The following PKIA variants were observed in gnomAD, a reference collection of about 807,000 sequenced individuals.
The protein encoded by PKIA is PKI-alpha.
A neutral mutation model predicts 7.6 loss-of-function variants in PKIA; 4 were observed. The observed-to-expected ratio is 0.52, with a 90% CI of 0.26 to 1.20. The LOEUF (loss-of-function observed/expected upper bound fraction) is 1.20, where lower values mean the gene tolerates loss of function less well. Among genes scored for constraint, PKIA ranks in the 50% most tolerant of loss-of-function variants. The pLI, the probability that PKIA is intolerant of heterozygous loss-of-function variation, is 0.13. For missense variants in PKIA, 73 were observed against 86.2 expected, an observed-to-expected ratio of 0.85 and a Z score of 0.61; for synonymous variants, 21 against 30.7, an observed-to-expected ratio of 0.68 and a Z score of 1.04.
intron 1 of PKIA, among the ~76,000 whole-genome samples, chr8:78,554,552 A>T (rs1390571762): frequency 6.6e-6 from 1 of 151,990 alleles, no homozygotes; most frequent in East Asian, 1.9e-4. Context: ...TTCCCTGCAA[A>T]TTGTATTTTA....
At chr8:78,573,618 A>C (rs1255956631) in intron 2 of PKIA, among the ~76,000 whole-genome samples, 2 of 152,174 alleles carry the variant, frequency 1.3e-5, no homozygotes, top group Non-Finnish European at 2.9e-5. Context: ...TAAGTGGCTC[A>C]TCTTCTCATT....
At chr8:78,566,713 G>C (rs1361773698) in intron 1 of PKIA, among the ~76,000 whole-genome samples, 1 of 152,060 alleles carries the variant, frequency 6.6e-6, no homozygotes, top group Non-Finnish European at 1.5e-5. Flanking sequence ...AAATACTTTA[G>C]CTAAAGTTAT....
chr8:78,538,585 G>A (rs1222075444), intron 1 of PKIA, among the ~76,000 whole-genome samples: 1 of 151,988 alleles, frequency 6.6e-6, no homozygotes, highest in African/African-American at 2.4e-5. Context: ...TAAGAAAAGT[G>A]TCAGGTATAC....
chr8:78,600,648 C>T (rs1243961221), intron 3 of PKIA, among the ~76,000 whole-genome samples: 2 of 152,052 alleles, frequency 1.3e-5, no homozygotes, highest in Admixed American at 6.6e-5. Flanking sequence ...GCACATCATG[C>T]GAGCCTCTCA....
intron 1 of PKIA, among the ~76,000 whole-genome samples, chr8:78,536,669 G>T (rs927463043): frequency 6.6e-6 from 1 of 151,970 alleles, no homozygotes; most frequent in African/African-American, 2.4e-5. Context: ...AAAAAGCTGT[G>T]TATCTTCTTT....
intron 1 of PKIA, among the ~76,000 whole-genome samples, chr8:78,529,173 A>G (rs1806332095): frequency 6.6e-6 from 1 of 152,130 alleles, no homozygotes; most frequent in Admixed American, 6.6e-5. Flanking sequence ...AACATCATTT[A>G]TAGCCTATAA....
At chr8:78,563,822 T>C (rs1163624384) in intron 1 of PKIA, among the ~76,000 whole-genome samples, 2 of 152,164 alleles carry the variant, frequency 1.3e-5, no homozygotes, top group Non-Finnish European at 2.9e-5. Flanking sequence ...TCATGTTGCA[T>C]ATATACTTTT....
chr8:78,602,053 C>A lies in PKIA; in HGVS notation c.*232C>A. 1 of 535,412 alleles carries A rather than the reference C, an allele frequency of 1.9e-6. No homozygotes were observed. Among genetic ancestry groups the A allele is most frequent in the East Asian group, 3.2e-5 (1 of 31,632 alleles). The allele number at this position is 535,412 out of a possible 1,614,324, so 33.2% of individuals were successfully genotyped here. On this transcript the variant is annotated 3_prime_UTR_variant, in exon 4 of 4. Coordinates refer to ENST00000396418, the MANE Select transcript of PKIA (RefSeq NM_006823.4). ...AATCATGTGGCTTGTGTTTGGGCGT[C>A]ATTTTTGTATGGATCCTTTCACTTG...
At chr8:78,557,567 G>C (rs1300269842) in intron 1 of PKIA, among the ~76,000 whole-genome samples, 1 of 152,196 alleles carries the variant, frequency 6.6e-6, no homozygotes, top group Admixed American at 6.5e-5. Context: ...AAAGGAAAAA[G>C]AGAAAGGAAA....
intron 1 of PKIA, among the ~76,000 whole-genome samples, chr8:78,543,886 G>C (rs950444155): frequency 2.6e-5 from 4 of 152,104 alleles, no homozygotes; most frequent in East Asian, 1.9e-4. Flanking sequence ...CATTTCTACT[G>C]TTCCAACCTA....
intron 1 of PKIA, among the ~76,000 whole-genome samples, chr8:78,547,580 G>C (rs1806862353): frequency 6.6e-6 from 1 of 151,992 alleles, no homozygotes; most frequent in Non-Finnish European, 1.5e-5. Flanking sequence ...TTCCTGCTTT[G>C]AGTCATATGA....
chr8:78,589,808 A>G (rs1808050605), intron 2 of PKIA, among the ~76,000 whole-genome samples: 1 of 152,198 alleles, frequency 6.6e-6, no homozygotes, highest in Admixed American at 6.5e-5. Context: ...TTTAATATTC[A>G]TGTGATGAAA....
chr8:78,596,454 G>A (rs1808228450), intron 2 of PKIA, among the ~76,000 whole-genome samples: 1 of 152,048 alleles, frequency 6.6e-6, no homozygotes, highest in Non-Finnish European at 1.5e-5. Context: ...GGTCAGGCTG[G>A]TCTCAGACTC....
chr8:78,602,775 A>C lies in PKIA; in HGVS notation c.*954A>C, dbSNP rs1808383212. On this transcript the variant is annotated 3_prime_UTR_variant, in exon 4 of 4. Coordinates refer to ENST00000396418, the MANE Select transcript of PKIA (RefSeq NM_006823.4). ...AGAAAAGAAAAGCCAAGATCATACTAAGGACTGGAAATATTTTGTTCTATG... is the reference window on the plus strand; with the variant it reads ...AGAAAAGAAAAGCCAAGATCATACTCAGGACTGGAAATATTTTGTTCTATG... 1 of 151,178 alleles carries C rather than the reference A, an allele frequency of 6.6e-6. No homozygotes were observed. The highest frequency in any genetic ancestry group is 2.1e-4 in the South Asian group (1 of 4,800). 9.4% of individuals were successfully genotyped at this position (151,178 alleles called of 1,614,324 possible).
chr8:78,539,658 A>G (rs1806623201), intron 1 of PKIA, among the ~76,000 whole-genome samples: 1 of 152,068 alleles, frequency 6.6e-6, no homozygotes, highest in Non-Finnish European at 1.5e-5. Context: ...AAGGTAAAAA[A>G]AGGAAAAAAA....
At chr8:78,559,239 A>G (rs1353107010) in intron 1 of PKIA, among the ~76,000 whole-genome samples, 1 of 152,096 alleles carries the variant, frequency 6.6e-6, no homozygotes, top group African/African-American at 2.4e-5. Flanking sequence ...GGTATTTTTA[A>G]AGTTAAATCT....
At chr8:78,576,013 G>T (rs183890329) in intron 2 of PKIA, among the ~76,000 whole-genome samples, 1 of 151,886 alleles carries the variant, frequency 6.6e-6, no homozygotes, top group Non-Finnish European at 1.5e-5. Context: ...TGGCTTTTTC[G>T]CTGTTTGCAC....
chr8:78,596,701 G>A (rs557731704), intron 2 of PKIA, among the ~76,000 whole-genome samples: 1 of 152,226 alleles, frequency 6.6e-6, no homozygotes, highest in African/African-American at 2.4e-5. Context: ...TTTTGCTTTT[G>A]TGGCAATTCT....
intron 1 of PKIA, among the ~76,000 whole-genome samples, chr8:78,562,642 T>G (rs1377025925): frequency 4.6e-5 from 7 of 152,122 alleles, no homozygotes; most frequent in Admixed American, 4.6e-4. Context: ...CTCTAATCAT[T>G]TCAGTGTCAT....
Sources: allele counts gnomAD v4.1 joint callset (sites outside exome capture counted in the v4.1 genomes callset), GRCh38; gene constraint gnomAD v4.1.1; transcripts MANE v1.5; gene names NCBI Gene and HGNC (gene_info 2026-07-23, HGNC 2026-07-21).